Variants in KIAA0319L observed in about 807,000 individuals in gnomAD.
KIAA0319L encodes KIAA0319 like.
In KIAA0319L, 55 loss-of-function variants were observed where a neutral mutation model predicts 120.1. That is an observed-to-expected ratio of 0.46 (90% CI 0.37 to 0.57). KIAA0319L has a LOEUF of 0.57. KIAA0319L is among the 20% of genes least tolerant of loss of function. KIAA0319L has a pLI of 0.00. For missense variants in KIAA0319L, 1,049 were observed against 1,255.3 expected, an observed-to-expected ratio of 0.84 and a Z score of 2.48; for synonymous variants, 398 against 471.9, an observed-to-expected ratio of 0.84 and a Z score of 2.03.
intron 3 of KIAA0319L, among the ~76,000 whole-genome samples, chr1:35,482,203 G>A (rs1368911016): frequency 2.6e-5 from 4 of 151,740 alleles, no homozygotes; most frequent in African/African-American, 9.7e-5. Context: ...TTTTTTGAGA[G>A]GGGCAGTCTG....
chr1:35,484,802 ATATATTTTT>A (rs1459841177), intron 3 of KIAA0319L, among the ~76,000 whole-genome samples: 3 of 14,112 alleles, frequency 2.1e-4, no homozygotes, highest in African/African-American at 7.5e-4. Context: ...ATATATATAT[ATATATTTTT>A]TTTTTTATTA....
chr1:35,468,865 T>C (rs1014415904), intron 6 of KIAA0319L, among the ~76,000 whole-genome samples: 1 of 152,214 alleles, frequency 6.6e-6, no homozygotes, highest in South Asian at 2.1e-4. Context: ...TTTAATACCT[T>C]TGTGAACTCT....
Position 35,440,055 on chromosome 1 carries a change from C to T in KIAA0319L, c.2962+992G>A, listed in dbSNP as rs1331777519. 3 of 152,254 alleles carry T rather than the reference C, an allele frequency of 2.0e-5. No homozygotes were observed. In the East Asian group the frequency reaches 5.8e-4, roughly 29 times the overall value. 9.4% of individuals were successfully genotyped at this position (152,254 alleles called of 1,614,324 possible). A position where few individuals can be genotyped will look rare whatever the true frequency, so the allele number is the denominator to read the frequency against. ...GAGGGGTGGGTTTTGCACATTTCAC[C>T]TCCAGGCCCTCATTCTCAATATTCC... On this transcript the variant is annotated intron_variant, in intron 20 of 20. Transcript: ENST00000325722.
At chr1:35,498,264 C>T (rs930277466) in intron 3 of KIAA0319L, among the ~76,000 whole-genome samples, 9 of 150,842 alleles carry the variant, frequency 6.0e-5, no homozygotes, top group Admixed American at 2.0e-4. Context: ...ACCCAGGAGG[C>T]GGAGGTTGAA....
At chr1:35,517,499 T>C (rs948003328) in intron 2 of KIAA0319L, among the ~76,000 whole-genome samples, 1 of 152,216 alleles carries the variant, frequency 6.6e-6, no homozygotes, top group African/African-American at 2.4e-5. Context: ...CTGGGATAAC[T>C]GGCTAGCCAT....
At chr1:35,477,797 T>C (rs1203980330) in intron 4 of KIAA0319L, among the ~76,000 whole-genome samples, 1 of 152,110 alleles carries the variant, frequency 6.6e-6, no homozygotes, top group Non-Finnish European at 1.5e-5. Context: ...TCGTACACTA[T>C]TGGTGGGAAT....
At chr1:35,524,714 T>C (rs1407504565) in intron 2 of KIAA0319L, among the ~76,000 whole-genome samples, 2 of 152,234 alleles carry the variant, frequency 1.3e-5, no homozygotes, top group East Asian at 1.9e-4. Context: ...AAAAATGTTT[T>C]ATTGATAAAG....
intron 3 of KIAA0319L, among the ~76,000 whole-genome samples, chr1:35,499,141 G>A (rs775194081): frequency 1.6e-4 from 24 of 152,206 alleles, no homozygotes; most frequent in Non-Finnish European, 3.4e-4. Flanking sequence ...GTTAACAAGA[G>A]ATGGTCAAGT....
intron 3 of KIAA0319L, among the ~76,000 whole-genome samples, chr1:35,495,356 C>T (rs1373250401): frequency 6.6e-6 from 1 of 152,058 alleles, no homozygotes; most frequent in African/African-American, 2.4e-5. Flanking sequence ...CCAGGTGAGA[C>T]TCTGCCTCAA....
intron 7 of KIAA0319L, among the ~76,000 whole-genome samples, chr1:35,464,107 A>C (rs565749239): frequency 6.6e-6 from 1 of 152,254 alleles, no homozygotes; most frequent in African/African-American, 2.4e-5. Context: ...TGACACAGTA[A>C]ATTGGTACCA....
chr1:35,535,061 C>T (rs1416745687), intron 2 of KIAA0319L, among the ~76,000 whole-genome samples: 2 of 133,480 alleles, frequency 1.5e-5, no homozygotes, highest in African/African-American at 5.7e-5. Flanking sequence ...CACACCACTG[C>T]ACTCTAGCCT....
At chr1:35,439,300 G>A (rs1292438645) in intron 20 of KIAA0319L, 1 of 152,186 alleles carries the variant, frequency 6.6e-6, no homozygotes, top group Non-Finnish European at 1.5e-5. Context: ...ACTTATCCAG[G>A]TCTCAGCTTA....
At chr1:35,520,088 C>T (rs1645848298) in intron 2 of KIAA0319L, among the ~76,000 whole-genome samples, 1 of 151,758 alleles carries the variant, frequency 6.6e-6, no homozygotes, top group African/African-American at 2.4e-5. Context: ...ACCCTCAAAT[C>T]TTCTTTTTTC....
intron 12 of KIAA0319L, among the ~76,000 whole-genome samples, chr1:35,452,636 G>A (rs1211992857): frequency 6.6e-6 from 1 of 152,114 alleles, no homozygotes; most frequent in Non-Finnish European, 1.5e-5. Flanking sequence ...CAGCTAAAAG[G>A]TCTATCAGCC....
chr1:35,557,514 G>A (rs1159429405), upstream of KIAA0319L: 5 of 365,622 alleles, frequency 1.4e-5, no homozygotes, highest in Non-Finnish European at 2.2e-5. Flanking sequence ...GACCAAGGGG[G>A]AGGAGGGGCA....
chr1:35,454,977 A>G (rs978695610), intron 10 of KIAA0319L, among the ~76,000 whole-genome samples: 2 of 152,250 alleles, frequency 1.3e-5, no homozygotes, highest in African/African-American at 4.8e-5. Context: ...CAGGTTCTGC[A>G]ACAACCTAAC....
chr1:35,463,834 T>C (rs1643067622), intron 7 of KIAA0319L, among the ~76,000 whole-genome samples: 1 of 152,072 alleles, frequency 6.6e-6, no homozygotes, highest in Non-Finnish European at 1.5e-5. Flanking sequence ...GGTGATTAAA[T>C]TATGGGGGTG....
chr1:35,445,874 A>G (rs906471525), intron 16 of KIAA0319L, among the ~76,000 whole-genome samples: 2 of 152,164 alleles, frequency 1.3e-5, no homozygotes, highest in Admixed American at 6.5e-5. Context: ...CATGCCCCCT[A>G]TGCAGTGCTG....
intron 20 of KIAA0319L, chr1:35,440,442 G>C (rs1641119399): frequency 6.5e-6 from 1 of 153,222 alleles, no homozygotes; most frequent in African/African-American, 2.4e-5. Flanking sequence ...TGGCATCCAT[G>C]ATGAGTGAAA....
Sources: allele counts gnomAD v4.1 joint callset (sites outside exome capture counted in the v4.1 genomes callset), GRCh38; gene constraint gnomAD v4.1.1; transcripts MANE v1.5; gene names NCBI Gene and HGNC (gene_info 2026-07-23, HGNC 2026-07-21).